Variants in LATS2 observed in about 807,000 individuals in gnomAD.
The protein encoded by LATS2 is large tumor suppressor kinase 2, also known as serine/threonine-protein kinase LATS2.
Under a neutral mutation model 76.0 loss-of-function variants are expected in LATS2, and 24 were observed. That is an observed-to-expected ratio of 0.32 (90% CI 0.23 to 0.44). The LOEUF (loss-of-function observed/expected upper bound fraction) is 0.44. Among genes scored for constraint, LATS2 ranks in the 20% least tolerant of loss-of-function variants. The pLI is 1.00. For synonymous variants in LATS2, 692 were observed against 635.4 expected (o/e 1.09, Z -1.34); for missense variants, 1,286 against 1,481.2 (o/e 0.87, Z 2.16).
intron 1 of LATS2, among the ~76,000 whole-genome samples, chr13:21,054,168 C>T (rs1022617864): frequency 1.2e-4 from 19 of 152,222 alleles, no homozygotes; most frequent in African/African-American, 3.9e-4. Flanking sequence ...CATAGCTACA[C>T]GGCTGGGTGC....
At chr13:20,993,699 G>A (rs923216598) in intron 2 of LATS2, among the ~76,000 whole-genome samples, 3 of 152,134 alleles carry the variant, frequency 2.0e-5, no homozygotes, top group South Asian at 2.1e-4. Flanking sequence ...AGAAGGCAGC[G>A]GTGGTTCAGA....
Position 20,981,503 on chromosome 13 carries a change from A to C in LATS2, c.2628T>G (p.Thr876=), listed in dbSNP as rs974735201. 7 of 1,613,928 alleles carry C rather than the reference A, an allele frequency of 4.3e-6. No individual in the cohort carries two copies. Among genetic ancestry groups the C allele is most frequent in the Non-Finnish European group, 5.9e-6 (7 of 1,180,006 alleles). ...GCACCTCGGGTGCGATGTAGTTTGGAGTCCCCACCAGTGAATGTGCCAGGC... is the reference window on the plus strand; with the variant it reads ...GCACCTCGGGTGCGATGTAGTTTGGCGTCCCCACCAGTGAATGTGCCAGGC... ...QRCLAHSLVG[T]PNYIAPEVLL... The change falls in exon 6 of 8, where the codon ACT becomes ACG. Residue 876 remains threonine, a synonymous_variant. Coordinates refer to ENST00000382592, the MANE Select transcript of LATS2 (RefSeq NM_014572.3).
At chr13:21,036,046 G>A (rs1872675177) in intron 2 of LATS2, among the ~76,000 whole-genome samples, 1 of 152,182 alleles carries the variant, frequency 6.6e-6, no homozygotes, top group African/African-American at 2.4e-5. Context: ...CTACAAGCGT[G>A]TGACACCACA....
intron 2 of LATS2, among the ~76,000 whole-genome samples, chr13:21,032,641 C>A (rs1872570806): frequency 6.6e-6 from 1 of 152,036 alleles, no homozygotes; most frequent in Non-Finnish European, 1.5e-5. Flanking sequence ...CAAGACAATT[C>A]TTCTTCTAAT....
chr13:21,046,082 T>TA lies in LATS2; in HGVS notation c.-57_-56insT, dbSNP rs1873066630. On this transcript the variant is annotated 5_prime_UTR_variant, in exon 2 of 8. Transcript: ENST00000382592. ...CAATCTTCTTAAAGTGTTTTATTAT[T>TA]TAAAAAAAAAAACTGTCAATAGTAT... The TA allele has an allele frequency of 1.1e-5, 14 of 1,235,098 alleles. No individual in the cohort carries two copies. The highest frequency in any genetic ancestry group is 7.6e-5 in the East Asian group (3 of 39,308). 76.5% of individuals were successfully genotyped at this position (1,235,098 alleles called of 1,614,324 possible).
Position 21,055,271 on chromosome 13 carries a change from A to G in LATS2, c.-205+6075T>C, listed in dbSNP as rs73445534. On this transcript the variant is annotated intron_variant, in intron 1 of 7. Coordinates refer to ENST00000382592, the MANE Select transcript of LATS2 (RefSeq NM_014572.3). ...CATACGGGAAATTTTTCTTTCATCA[A>G]GAGTTTTATAAATATGACCCTCATG... is the stretch of plus-strand genomic sequence containing the variant. Among the ~76,000 whole-genome samples the G allele has an allele frequency of 2.4e-3, 361 of 151,918 alleles. 1 individual carries two copies. Among genetic ancestry groups the G allele is most frequent in the African/African-American group, 8.6e-3 (355 of 41,476 alleles).
At chr13:20,995,816 C>T (rs1416121156) in intron 2 of LATS2, among the ~76,000 whole-genome samples, 1 of 152,154 alleles carries the variant, frequency 6.6e-6, no homozygotes, top group African/African-American at 2.4e-5. Context: ...TACAGAAGTT[C>T]ACAAAATCTT....
At position 20,987,905 on chromosome 13, in the gene LATS2, C is replaced by G. The variant is rs775798832; in HGVS notation, c.1875G>C (p.Leu625=). ...KTYQQKVNRR[L]QLEQEMAKAG... is the part of the protein sequence containing the mutation. ...CTTTGGCCATTTCTTGCTCCAGCTG[C>G]AGCCTCCGGTTAACCTTCTGCTGGT... is the stretch of plus-strand genomic sequence containing the variant. Residue 625 remains leucine (L), a synonymous_variant, in exon 4 of 8, where the codon CTG becomes CTC. Transcript: ENST00000382592. The G allele has an allele frequency of 1.3e-5, 21 of 1,612,946 alleles. No individual in the cohort carries two copies. Among genetic ancestry groups the G allele is most frequent in the Non-Finnish European group, 1.8e-5 (21 of 1,179,220 alleles).
At chr13:21,006,166 A>G (rs1210594518) in intron 2 of LATS2, among the ~76,000 whole-genome samples, 3 of 151,844 alleles carry the variant, frequency 2.0e-5, no homozygotes, top group Non-Finnish European at 4.4e-5. Context: ...AAAAGGAAAA[A>G]GGAAAGGATT....
chr13:20,993,584 T>G (rs1004911649), intron 2 of LATS2, among the ~76,000 whole-genome samples: 2 of 151,728 alleles, frequency 1.3e-5, no homozygotes, highest in Non-Finnish European at 2.9e-5. Context: ...ACATGGGACA[T>G]GAAGTGACAG....
chr13:21,042,245 C>G (rs1189735108), intron 2 of LATS2, among the ~76,000 whole-genome samples: 1 of 151,964 alleles, frequency 6.6e-6, no homozygotes, highest in African/African-American at 2.4e-5. Context: ...ACAGAAAATA[C>G]CCTTGAGTCT....
Position 20,988,362 on chromosome 13 carries a change from G to GGGGCGC in LATS2, c.1417_1418insGCGCCC (p.Ala472_Pro473insArgAla). On this transcript the variant is annotated inframe_insertion, in exon 4 of 8. Coordinates refer to ENST00000382592, the MANE Select transcript of LATS2 (RefSeq NM_014572.3). ...CGCAGCCGGGGCGGGGGCGGGGGCGGGGGCCGGGGCAGGCGCGGGCACCCA... is the reference window on the plus strand; with the variant it reads ...CGCAGCCGGGGCGGGGGCGGGGGCGGGGGCGCGGGCCGGGGCAGGCGCGGGCACCCA... The GGGGCGC allele has an allele frequency of 2.2e-6, 3 of 1,367,164 alleles. No individual in the cohort carries two copies. Among genetic ancestry groups the GGGGCGC allele is most frequent in the Non-Finnish European group, 2.8e-6 (3 of 1,070,006 alleles). 84.7% of individuals were successfully genotyped at this position (1,367,164 alleles called of 1,614,324 possible). A position where few individuals can be genotyped will look rare whatever the true frequency, so the allele number is the denominator to read the frequency against.
chr13:21,036,713 C>T lies in LATS2; in HGVS notation c.342+8972G>A, dbSNP rs142301699. ...GCTTGAACCTGGGACACGGAGGTTA[C>T]AGTGAGCCAAGATGGCACCACTGCA... On this transcript the variant is annotated intron_variant, in intron 2 of 7. Coordinates refer to ENST00000382592, the MANE Select transcript of LATS2 (RefSeq NM_014572.3). Among the ~76,000 whole-genome samples, 8 of 152,218 alleles carry T rather than the reference C, an allele frequency of 5.3e-5. No homozygotes were observed. The East Asian group carries it at 1.6e-3, about 30-fold the overall frequency.
intron 2 of LATS2, among the ~76,000 whole-genome samples, chr13:21,040,167 G>T (rs371331193): frequency 6.6e-5 from 10 of 151,876 alleles, no homozygotes; most frequent in Non-Finnish European, 1.3e-4. Context: ...CAGGCGTATC[G>T]CTTCAGACTA....
intron 5 of LATS2, among the ~76,000 whole-genome samples, chr13:20,982,715 G>A (rs1869948261): frequency 6.6e-6 from 1 of 152,018 alleles, no homozygotes; most frequent in Admixed American, 6.6e-5. Context: ...TAGTAGGCCA[G>A]GCACGGTGGC....
chr13:20,973,912 C>T lies in LATS2; in HGVS notation c.*958G>A, dbSNP rs73441496. The stretch of plus-strand genomic sequence containing the variant: ...ATGTGTCCGTGATTAAACTTTTTGG[C>T]ATCGCTGTATTAATCCCTTTTGATG... On this transcript the variant is annotated 3_prime_UTR_variant, in exon 8 of 8. Coordinates refer to ENST00000382592, the MANE Select transcript of LATS2 (RefSeq NM_014572.3). 520 of 221,176 alleles carry T rather than the reference C, an allele frequency of 2.4e-3. 1 individual carries two copies. Among genetic ancestry groups the T allele is most frequent in the African/African-American group, 0.011 (496 of 44,366 alleles). 13.7% of individuals were successfully genotyped at this position (221,176 alleles called of 1,614,324 possible).
chr13:21,060,502 G>A (rs1441312761), intron 1 of LATS2, among the ~76,000 whole-genome samples: 1 of 152,218 alleles, frequency 6.6e-6, no homozygotes, highest in Non-Finnish European at 1.5e-5. Context: ...TCGCAGAGTT[G>A]GCGCGGCAGC....
intron 2 of LATS2, among the ~76,000 whole-genome samples, chr13:21,026,654 T>G (rs189877754): frequency 3.3e-5 from 5 of 152,224 alleles, no homozygotes; most frequent in Admixed American, 3.3e-4. Flanking sequence ...ACGGTAGGTA[T>G]GTTTGACTTA....
chr13:20,999,344 C>T (rs976496438), intron 2 of LATS2, among the ~76,000 whole-genome samples: 4 of 152,214 alleles, frequency 2.6e-5, no homozygotes, highest in Admixed American at 1.3e-4. Context: ...ACAAACCATA[C>T]GTCTTTTTGA....
Sources: gnomAD v4.1 joint callset for allele counts (sites outside exome capture counted in the v4.1 genomes callset) on GRCh38, gnomAD v4.1.1 for gene constraint, MANE v1.5 for transcripts, NCBI Gene and HGNC (gene_info 2026-07-23, HGNC 2026-07-21) for gene names.